The following SLIT2 variants were observed in gnomAD, a reference collection of about 807,000 sequenced individuals.
SLIT2 encodes the protein slit homolog 2 protein.
A neutral mutation model predicts 185.7 loss-of-function variants in SLIT2; 41 were observed. The observed-to-expected ratio is 0.22, with a 90% confidence interval of 0.17 to 0.29. SLIT2 has a LOEUF of 0.29. SLIT2 is among the 10% of genes least tolerant of loss of function. SLIT2 has a pLI of 1.00. For synonymous variants in SLIT2, 693 were observed against 680.2 expected (o/e 1.02, Z -0.29); for missense variants, 1,571 against 1,909.0 (o/e 0.82, Z 3.30).
chr4:20,556,164 G>C (rs151115179), intron 26 of SLIT2, among the ~76,000 whole-genome samples: 3 of 151,752 alleles, frequency 2.0e-5, no homozygotes, highest in Admixed American at 6.6e-5. Flanking sequence ...TTTCCTTTAC[G>C]ATCCTAGATC....
intron 4 of SLIT2, among the ~76,000 whole-genome samples, chr4:20,320,798 G>A (rs546480349): frequency 1.2e-4 from 18 of 152,168 alleles, no homozygotes; most frequent in Admixed American, 3.3e-4. Flanking sequence ...CAAGCTTTAC[G>A]CCTTTCATCT....
chr4:20,420,097 C>T (rs1728053687), intron 4 of SLIT2, among the ~76,000 whole-genome samples: 1 of 152,150 alleles, frequency 6.6e-6, no homozygotes, highest in South Asian at 2.1e-4. Context: ...TCATTCCCTA[C>T]TCATCCTTCT....
rs151330758 is a variant in SLIT2 at position 20,336,257 on chromosome 4, A to G, written c.395+67376A>G. On this transcript the variant is annotated intron_variant, in intron 4 of 36. Transcript: ENST00000504154. Reference sequence around the variant, plus strand: ...TTTCCTTTAATATGTGAAGACACACAATAACAAAGACTTGCAACCAACCCA... The same window carrying G: ...TTTCCTTTAATATGTGAAGACACACGATAACAAAGACTTGCAACCAACCCA... 4.1e-4 allele frequency among the ~76,000 whole-genome samples: 63 copies of G among 152,340 alleles called. 2 individuals carry two copies. In the East Asian group the frequency reaches 9.3e-3, roughly 22 times the overall value.
intron 4 of SLIT2, among the ~76,000 whole-genome samples, chr4:20,305,712 A>G (rs530170145): frequency 1.3e-4 from 19 of 151,866 alleles, no homozygotes; most frequent in Admixed American, 1.1e-3. Context: ...ATCTCCACTA[A>G]AAATACAAAA....
rs192967832 is a variant in SLIT2 at position 20,441,089 on chromosome 4, G to A, written c.396-26663G>A. ...AAAAAAAAAAATTCCTTCATAAACA[G>A]CAAACTTTTAACTAATACACAATGT... is the stretch of plus-strand genomic sequence containing the variant. On this transcript the variant is annotated intron_variant, in intron 4 of 36. Transcript: ENST00000504154. Among the ~76,000 whole-genome samples the A allele has an allele frequency of 5.8e-3, 887 of 151,898 alleles. 12 individuals are homozygous for A. The highest frequency in any genetic ancestry group is 0.027 in the Middle Eastern group (8 of 292).
intron 4 of SLIT2, among the ~76,000 whole-genome samples, chr4:20,285,811 G>A (rs1014488767): frequency 2.6e-5 from 4 of 152,170 alleles, no homozygotes; most frequent in Non-Finnish European, 5.9e-5. Flanking sequence ...ACCTCCCAAA[G>A]TGCTGGGATT....
Position 20,489,810 on chromosome 4 carries a change from G to A in SLIT2, c.775+828G>A, listed in dbSNP as rs539471001. On this transcript the variant is annotated intron_variant, in intron 8 of 36. Coordinates refer to ENST00000504154, the MANE Select transcript of SLIT2 (RefSeq NM_004787.4). ...AAAAAATAAAAATAAAAAATAGGCC[G>A]GGGTGTGGTGGCTCACGCCTGTAAT... 1.1e-3 allele frequency: 169 copies of A among 152,138 alleles called. 1 individual carries two copies. Among genetic ancestry groups the A allele is most frequent in the Non-Finnish European group, 1.6e-3 (107 of 68,306 alleles). The allele number at this position is 152,138 out of a possible 1,614,324, so 9.4% of individuals were successfully genotyped here.
intron 4 of SLIT2, among the ~76,000 whole-genome samples, chr4:20,455,824 C>T (rs1415971603): frequency 6.6e-6 from 1 of 152,104 alleles, no homozygotes; most frequent in East Asian, 1.9e-4. Flanking sequence ...CTGATAAAGT[C>T]ATTTGCAATA....
intron 4 of SLIT2, among the ~76,000 whole-genome samples, chr4:20,398,046 C>T (rs1394938289): frequency 6.6e-6 from 1 of 151,584 alleles, no homozygotes; most frequent in Non-Finnish European, 1.5e-5. Flanking sequence ...TGTGAGATAC[C>T]CATGAAGTCA....
intron 29 of SLIT2, among the ~76,000 whole-genome samples, chr4:20,571,146 T>C (rs190372946): frequency 6.6e-6 from 1 of 152,282 alleles, no homozygotes; most frequent in East Asian, 1.9e-4. Flanking sequence ...AGCCAAAATG[T>C]GACATCTATA....
intron 21 of SLIT2, among the ~76,000 whole-genome samples, chr4:20,544,180 AT>A (rs1205213627): frequency 6.6e-6 from 1 of 152,200 alleles, no homozygotes; most frequent in African/African-American, 2.4e-5. Flanking sequence ...TAGTAAAAAA[AT>A]AAAATATAAA....
intron 4 of SLIT2, among the ~76,000 whole-genome samples, chr4:20,425,221 T>G (rs1410147020): frequency 6.6e-6 from 1 of 152,190 alleles, no homozygotes; most frequent in Non-Finnish European, 1.5e-5. Flanking sequence ...AAGTTTTAAT[T>G]TTTTCACAAA....
chr4:20,460,383 C>T (rs911508585), intron 4 of SLIT2, among the ~76,000 whole-genome samples: 3 of 152,042 alleles, frequency 2.0e-5, no homozygotes, highest in Admixed American at 2.0e-4. Context: ...TGTAGATATT[C>T]ATTGCAAACA....
At chr4:20,616,607 C>T (rs1443677693) in intron 34 of SLIT2, 1 of 245,336 alleles carries the variant, frequency 4.1e-6, no homozygotes, top group Non-Finnish European at 7.8e-6. Flanking sequence ...AGCTCTGCCT[C>T]TAGGTTTTAT....
intron 3 of SLIT2, among the ~76,000 whole-genome samples, chr4:20,258,181 A>G (rs1417454683): frequency 6.6e-6 from 1 of 151,846 alleles, no homozygotes; most frequent in Non-Finnish European, 1.5e-5. Flanking sequence ...CTTGATAATC[A>G]TTGCTTTGGT....
intron 4 of SLIT2, among the ~76,000 whole-genome samples, chr4:20,307,044 ACCTTCCTT>A (rs141169053): frequency 2.7e-5 from 4 of 147,970 alleles, no homozygotes; most frequent in Admixed American, 6.7e-5. Flanking sequence ...CTTTTTACCT[ACCTTCCTT>A]CCTTCCTTCC....
At chr4:20,403,531 C>A (rs1424699234) in intron 4 of SLIT2, among the ~76,000 whole-genome samples, 1 of 151,952 alleles carries the variant, frequency 6.6e-6, no homozygotes. Context: ...TTTGTTGTTT[C>A]ATTTCCTCTT....
intron 11 of SLIT2, among the ~76,000 whole-genome samples, chr4:20,513,537 T>G (rs1443805137): frequency 2.0e-5 from 3 of 152,196 alleles, no homozygotes; most frequent in Non-Finnish European, 2.9e-5. Context: ...GGCCCGATTA[T>G]GTACTAGGCC....
chr4:20,455,685 T>TG (rs561910718), intron 4 of SLIT2, among the ~76,000 whole-genome samples: 3 of 151,912 alleles, frequency 2.0e-5, no homozygotes, highest in South Asian at 2.1e-4. Flanking sequence ...ACAGCTTTTT[T>TG]GGGGGGGTAA....
Sources: allele counts gnomAD v4.1 joint callset (sites outside exome capture counted in the v4.1 genomes callset), GRCh38; gene constraint gnomAD v4.1.1; transcripts MANE v1.5; gene names NCBI Gene and HGNC (gene_info 2026-07-23, HGNC 2026-07-21).